The following FAT3 variants were observed in gnomAD, a reference collection of about 807,000 sequenced individuals.
The protein encoded by FAT3 is FAT atypical cadherin 3.
In FAT3, 95 loss-of-function variants were observed where a neutral mutation model predicts 310.2. The observed-to-expected ratio is 0.31, with a 90% CI of 0.26 to 0.36. The LOEUF (loss-of-function observed/expected upper bound fraction) is 0.36, where lower values mean the gene tolerates loss of function less well. FAT3 is among the 10% of genes least tolerant of loss of function. FAT3 has a pLI of 1.00. For missense variants in FAT3, 5,408 were observed against 5,715.6 expected, an observed-to-expected ratio of 0.95 and a Z score of 1.74; for synonymous variants, 2,314 against 2,192.9, an observed-to-expected ratio of 1.06 and a Z score of -1.54.
chr11:92,684,396 A>G (rs1308291424), intron 3 of FAT3, among the ~76,000 whole-genome samples: 1 of 152,192 alleles, frequency 6.6e-6, no homozygotes, highest in Non-Finnish European at 1.5e-5. Context: ...GACCCTGGAC[A>G]TGAGTGCCCA....
intron 1 of FAT3, among the ~76,000 whole-genome samples, chr11:92,225,652 T>A (rs1362157860): frequency 1.3e-5 from 2 of 151,928 alleles, no homozygotes; most frequent in African/African-American, 2.4e-5. Context: ...AGTTGGGTCA[T>A]CGCTAGGCGA....
At chr11:92,806,011 T>A (rs1947497388) in intron 11 of FAT3, among the ~76,000 whole-genome samples, 1 of 152,216 alleles carries the variant, frequency 6.6e-6, no homozygotes, top group African/African-American at 2.4e-5. Context: ...TAGGACTTAC[T>A]GGGGCTCAAG....
At chr11:92,232,801 A>G (rs1349563718) in intron 1 of FAT3, among the ~76,000 whole-genome samples, 1 of 152,050 alleles carries the variant, frequency 6.6e-6, no homozygotes, top group African/African-American at 2.4e-5. Context: ...AACAATTGGG[A>G]GGTAGAATTA....
chr11:92,554,289 T>C (rs1018019323), intron 3 of FAT3, among the ~76,000 whole-genome samples: 44 of 151,534 alleles, frequency 2.9e-4, no homozygotes, highest in Admixed American at 7.2e-4. Context: ...GGTGAAACCC[T>C]GTCTCTACTA....
intron 2 of FAT3, among the ~76,000 whole-genome samples, chr11:92,442,257 G>C (rs1437622911): frequency 2.7e-5 from 4 of 148,316 alleles, no homozygotes; most frequent in Non-Finnish European, 6.0e-5. Flanking sequence ...GGGACTACAG[G>C]CACCCGCCAC....
At position 92,471,955 on chromosome 11, in the gene FAT3, A is replaced by G. The variant is rs1029402713; in HGVS notation, c.3293-52679A>G. Among the ~76,000 whole-genome samples, 5 of 135,106 alleles carry G rather than the reference A, an allele frequency of 3.7e-5. No individual in the cohort carries two copies. In the South Asian group the frequency reaches 1.2e-3, roughly 32 times the overall value. The allele number at this position is 135,106 out of a possible 152,430, so 88.6% of individuals were successfully genotyped here. ...TATATATATATATATATATATATAT[A>G]TTCTGTAAGTTACATACATAATTTA... On this transcript the variant is annotated intron_variant, in intron 2 of 27. Coordinates refer to ENST00000525166, the MANE Select transcript of FAT3 (RefSeq NM_001367949.2).
intron 7 of FAT3, 46 bp downstream of exon 7, chr11:92,774,226 C>A: frequency 2.6e-6 from 4 of 1,543,928 alleles, no homozygotes; most frequent in African/African-American, 1.4e-5. Flanking sequence ...AAAGAGCTGC[C>A]AAAGTCAGGG....
chr11:92,550,385 A>G (rs1039218214), intron 3 of FAT3, among the ~76,000 whole-genome samples: 7 of 152,174 alleles, frequency 4.6e-5, no homozygotes, highest in African/African-American at 1.7e-4. Context: ...ATTATTTTGT[A>G]ATTTATTTTG....
intron 1 of FAT3, among the ~76,000 whole-genome samples, chr11:92,345,787 G>C (rs1335055735): frequency 6.6e-6 from 1 of 150,670 alleles, no homozygotes; most frequent in African/African-American, 2.4e-5. Flanking sequence ...CTCAGGTCTA[G>C]TTTTAGCTTT....
chr11:92,684,518 C>A (rs957006130), intron 3 of FAT3, among the ~76,000 whole-genome samples: 6 of 152,150 alleles, frequency 3.9e-5, no homozygotes, highest in African/African-American at 1.4e-4. Flanking sequence ...ATCTGAACAA[C>A]CTTCTTCCAC....
intron 4 of FAT3, among the ~76,000 whole-genome samples, chr11:92,702,150 C>T (rs1944115291): frequency 6.6e-6 from 1 of 152,158 alleles, no homozygotes; most frequent in Non-Finnish European, 1.5e-5. Flanking sequence ...GATTAAATGA[C>T]AGGTGAAGCA....
intron 22 of FAT3, among the ~76,000 whole-genome samples, chr11:92,867,589 A>G (rs1016099683): frequency 1.3e-5 from 2 of 152,190 alleles, no homozygotes; most frequent in African/African-American, 4.8e-5. Flanking sequence ...TAGTAGCACT[A>G]TGAGTTATGA....
At chr11:92,286,015 G>T (rs1250804709) in intron 1 of FAT3, among the ~76,000 whole-genome samples, 1 of 152,108 alleles carries the variant, frequency 6.6e-6, no homozygotes, top group Non-Finnish European at 1.5e-5. Context: ...TCCCCGAGAT[G>T]AGAGTGTCGG....
intron 4 of FAT3, among the ~76,000 whole-genome samples, chr11:92,733,413 A>G (rs1471495535): frequency 6.6e-6 from 1 of 152,174 alleles, no homozygotes; most frequent in African/African-American, 2.4e-5. Context: ...TGTCTACAAA[A>G]TGATTGATTG....
chr11:92,311,573 A>G (rs1947306434), intron 1 of FAT3, among the ~76,000 whole-genome samples: 1 of 152,210 alleles, frequency 6.6e-6, no homozygotes, highest in Non-Finnish European at 1.5e-5. Flanking sequence ...TGATGCATCC[A>G]CTTAAACAAC....
At chr11:92,418,434 C>G (rs1169183109) in intron 2 of FAT3, among the ~76,000 whole-genome samples, 1 of 109,150 alleles carries the variant, frequency 9.2e-6, no homozygotes, top group African/African-American at 3.4e-5. Context: ...CCCCACCCCC[C>G]CACACACACA....
chr11:92,723,027 A>G (rs1944907872), intron 4 of FAT3, among the ~76,000 whole-genome samples: 1 of 152,186 alleles, frequency 6.6e-6, no homozygotes, highest in African/African-American at 2.4e-5. Context: ...GGGGATTAAC[A>G]TTCAGCTCCT....
chr11:92,865,921 G>T (rs1459400017), intron 21 of FAT3, among the ~76,000 whole-genome samples: 1 of 152,168 alleles, frequency 6.6e-6, no homozygotes, highest in African/African-American at 2.4e-5. Flanking sequence ...GGTCTCTGTT[G>T]TCGCACCCCA....
intron 2 of FAT3, among the ~76,000 whole-genome samples, chr11:92,389,475 C>T (rs968816697): frequency 2.0e-5 from 3 of 152,140 alleles, no homozygotes; most frequent in African/African-American, 7.2e-5. Flanking sequence ...AATAAGTTGG[C>T]AAATTTACAA....
Sources: allele counts gnomAD v4.1 joint callset (sites outside exome capture counted in the v4.1 genomes callset), GRCh38; gene constraint gnomAD v4.1.1; transcripts MANE v1.5; gene names NCBI Gene and HGNC (gene_info 2026-07-23, HGNC 2026-07-21).